PGM3: variants seen among roughly 807,000 people sequenced by gnomAD.
PGM3 encodes the protein phosphoacetylglucosamine mutase.
Under a neutral mutation model 66.2 loss-of-function variants are expected in PGM3, and 40 were observed. That is an observed-to-expected ratio of 0.60 (90% CI 0.47 to 0.79). PGM3 has a LOEUF of 0.79. Among genes scored for constraint, PGM3 ranks in the 30% least tolerant of loss-of-function variants. The pLI is 0.00. For synonymous variants in PGM3, 191 were observed against 224.2 expected, an observed-to-expected ratio of 0.85 and a Z score of 1.32; for missense variants, 537 against 643.4, an observed-to-expected ratio of 0.83 and a Z score of 1.79.
intron 1 of PGM3, 82 bp from the exon 2 acceptor site, chr6:83,191,096 G>T: frequency 6.8e-7 from 1 of 1,464,256 alleles, no homozygotes; most frequent in Non-Finnish European, 9.4e-7. Flanking sequence ...CACCCCAAAC[G>T]AATAGGTCTG....
intron 12 of PGM3, 133 bp from the exon 13 acceptor site, chr6:83,169,456 A>C: frequency 9.3e-7 from 1 of 1,072,354 alleles, no homozygotes; most frequent in Middle Eastern, 2.2e-4. Flanking sequence ...AATTCTAATG[A>C]AAACCTTTTT....
chr6:83,187,029 C>T lies in PGM3; in HGVS notation c.436G>A (p.Val146Ile), dbSNP rs1270609084. ...ATACCATGGAATTGACCTCCTAGAACAGTCACACCATCTATTACAGATTGT... is the reference window on the plus strand; with the variant it reads ...ATACCATGGAATTGACCTCCTAGAATAGTCACACCATCTATTACAGATTGT... ...LSQSVIDGVTVLGGQFHDYGL... is the reference protein window; with the variant it reads ...LSQSVIDGVTILGGQFHDYGL... The change falls in exon 4 of 13, where the codon GTT becomes ATT. Residue 146 changes from valine (V) to isoleucine (I), a missense_variant. By Grantham distance (29) the Val-to-Ile change is conservative. Coordinates refer to ENST00000513973, the MANE Select transcript of PGM3 (RefSeq NM_015599.3). 1.9e-6 allele frequency: 3 copies of T among 1,597,412 alleles called. No homozygotes were observed. Among genetic ancestry groups the T allele is most frequent in the East Asian group, 2.2e-5 (1 of 44,724 alleles).
downstream of PGM3, among the ~76,000 whole-genome samples, chr6:83,164,328 T>C (rs887802341): frequency 6.6e-6 from 1 of 151,848 alleles, no homozygotes; most frequent in Non-Finnish European, 1.5e-5. Flanking sequence ...TGCTGGGTCC[T>C]GAGTTCAGGG....
At chr6:83,150,700 G>C in the PGM3 span, among the ~76,000 whole-genome samples, 1 of 152,070 alleles carries the variant, frequency 6.6e-6, no homozygotes, top group African/African-American at 2.4e-5. Context: ...ATATTGAGTA[G>C]ACTCTTAGCA....
At chr6:83,157,035 GT>G, downstream of PGM3, 2 of 693,346 alleles carry the variant, frequency 2.9e-6, no homozygotes, top group Non-Finnish European at 4.5e-6. Flanking sequence ...CTTATTCGTT[GT>G]TTTATGAAAA....
At chr6:83,174,000 G>T (rs1164581689) in intron 10 of PGM3, among the ~76,000 whole-genome samples, 13 of 151,988 alleles carry the variant, frequency 8.6e-5, no homozygotes, top group Middle Eastern at 3.4e-3. Flanking sequence ...CCTCCCAAAG[G>T]GCTGGGATTA....
intron 6 of PGM3, 40 bp downstream of exon 6, chr6:83,181,696 A>C (rs1200092443): frequency 2.9e-6 from 4 of 1,401,512 alleles, no homozygotes; most frequent in Non-Finnish European, 3.9e-6. Context: ...GGCTTCAAAG[A>C]GCATTAAAAA....
chr6:83,185,485 C>T (rs983868274), intron 4 of PGM3, among the ~76,000 whole-genome samples: 10 of 152,102 alleles, frequency 6.6e-5, no homozygotes, highest in African/African-American at 2.4e-4. Flanking sequence ...TGAATGAGGC[C>T]GGGCGCAGTG....
the PGM3 span, chr6:83,155,914 A>G: frequency 6.3e-7 from 1 of 1,589,230 alleles, no homozygotes; most frequent in Non-Finnish European, 8.5e-7. Context: ...CTTTCTTCAG[A>G]TGACAGTGTC....
downstream of PGM3, chr6:83,159,836 A>G (rs1431137882): frequency 2.5e-6 from 4 of 1,614,050 alleles, no homozygotes; most frequent in East Asian, 2.2e-5. Flanking sequence ...GACAACGTAC[A>G]CAGGAGGTAA....
At chr6:83,181,618 T>C in intron 6 of PGM3, 118 bp downstream of exon 6, 1 of 682,364 alleles carries the variant, frequency 1.5e-6, no homozygotes, top group Non-Finnish European at 2.5e-6. Context: ...AATGTCTAAA[T>C]GTGGCAGAGC....
intron 12 of PGM3, 54 bp from the exon 13 acceptor site, chr6:83,169,377 A>G (rs759931070): frequency 1.5e-5 from 24 of 1,601,624 alleles, no homozygotes; most frequent in Non-Finnish European, 2.0e-5. Context: ...TGTGTCTAAC[A>G]TGGGCAAGAC....
At chr6:83,159,456 T>G (rs934187665), downstream of PGM3, among the ~76,000 whole-genome samples, 2 of 150,804 alleles carry the variant, frequency 1.3e-5, no homozygotes, top group East Asian at 3.9e-4. Flanking sequence ...TTTTTTTTTG[T>G]CTGTGTGTAT....
At chr6:83,160,830 A>G (rs528546661), downstream of PGM3, among the ~76,000 whole-genome samples, 3 of 152,302 alleles carry the variant, frequency 2.0e-5, no homozygotes, top group East Asian at 1.9e-4. Flanking sequence ...AGAGTATGCT[A>G]CTGAGCTTTT....
chr6:83,153,699 C>G, the PGM3 span: 5 of 1,252,704 alleles, frequency 4.0e-6, no homozygotes, highest in African/African-American at 7.8e-5. Flanking sequence ...ATTGCCATTT[C>G]TAGAATTATC....
chr6:83,155,695 G>T, the PGM3 span, among the ~76,000 whole-genome samples: 1 of 152,120 alleles, frequency 6.6e-6, no homozygotes, highest in Non-Finnish European at 1.5e-5. Context: ...TTATATAAAT[G>T]GTATTAGTGG....
rs34873318 is a variant in PGM3 at position 83,170,380 on chromosome 6, G to A, written c.1464C>T (p.Tyr488=). 5,311 of 1,614,108 alleles carry A rather than the reference G, an allele frequency of 3.3e-3. 145 individuals are homozygous for A. In the African/African-American group the frequency reaches 0.057, roughly 17 times the overall value. The change falls in exon 12 of 13, where the codon TAC becomes TAT. Residue 488 remains tyrosine, a synonymous_variant. Coordinates refer to ENST00000513973, the MANE Select transcript of PGM3 (RefSeq NM_015599.3). ...QEAINDLVKK[Y]KLSRAFVRPS... is the part of the protein sequence containing the mutation. ...GCCGGACAAAAGCTCGAGAAAGCTTGTACTTCTTCACCAGGTCATTGATTG... is the reference window on the plus strand; with the variant it reads ...GCCGGACAAAAGCTCGAGAAAGCTTATACTTCTTCACCAGGTCATTGATTG...
intron 3 of PGM3, chr6:83,188,408 G>T: frequency 2.1e-6 from 1 of 469,340 alleles, no homozygotes; most frequent in Non-Finnish European, 3.8e-6. Flanking sequence ...TTTTGGAGTA[G>T]GGTTTTAAAC....
rs548530496 is a variant in PGM3, at chr6:83,167,612, G to A, written c.*1622C>T. On this transcript the variant is annotated 3_prime_UTR_variant, in exon 13 of 13. Coordinates refer to ENST00000513973, the MANE Select transcript of PGM3 (RefSeq NM_015599.3). Reference sequence around the variant, plus strand: ...TCTATTCCTGTTCAAAGCTATTTCTGTTAACTAAGCTTATCTGCGCATTCT... The same window carrying A: ...TCTATTCCTGTTCAAAGCTATTTCTATTAACTAAGCTTATCTGCGCATTCT... 3 of 1,184,706 alleles carry A rather than the reference G, an allele frequency of 2.5e-6. No individual in the cohort carries two copies. Among genetic ancestry groups the A allele is most frequent in the Non-Finnish European group, 3.1e-6 (3 of 958,492 alleles). 73.4% of individuals were successfully genotyped at this position (1,184,706 alleles called of 1,614,324 possible). A position where few individuals can be genotyped will look rare whatever the true frequency, so the allele number is the denominator to read the frequency against.
Sources: gnomAD v4.1 joint callset for allele counts (sites outside exome capture counted in the v4.1 genomes callset) on GRCh38, gnomAD v4.1.1 for gene constraint, MANE v1.5 for transcripts, NCBI Gene and HGNC (gene_info 2026-07-23, HGNC 2026-07-21) for gene names.